The following MYOM2 variants were observed in gnomAD, a reference collection of about 807,000 sequenced individuals.
MYOM2 encodes the protein myomesin-2.
MYOM2 carries 254 observed loss-of-function variants against 187.6 expected under a neutral mutation model. The observed-to-expected ratio is 1.35, with a 90% CI of 1.22 to 1.50. MYOM2 has a LOEUF of 1.50. Among genes scored for constraint, MYOM2 ranks in the 40% most tolerant of loss-of-function variants. MYOM2 has a pLI of 0.00. For missense variants in MYOM2, 2,796 were observed against 1,924.0 expected (o/e 1.45, Z -8.48); for synonymous variants, 981 against 753.8 (o/e 1.30, Z -4.94).
chr8:2,053,199 C>A (rs1229165560), intron 3 of MYOM2, among the ~76,000 whole-genome samples: 1 of 152,136 alleles, frequency 6.6e-6, no homozygotes. Flanking sequence ...ATGAAGTCAT[C>A]TGTTGAATAT....
chr8:2,049,601 T>C (rs1818418671), intron 1 of MYOM2, among the ~76,000 whole-genome samples: 3 of 152,184 alleles, frequency 2.0e-5, no homozygotes, highest in Admixed American at 6.5e-5. Flanking sequence ...GGCTGTGCCA[T>C]GGGGCCTGGC....
At position 2,144,835 on chromosome 8, in the gene MYOM2, A is replaced by G. The variant is rs1798404912; in HGVS notation, c.4252A>G (p.Ile1418Val). 10 of 1,614,190 alleles carry G rather than the reference A, an allele frequency of 6.2e-6. No individual in the cohort carries two copies. The highest frequency in any genetic ancestry group is 7.6e-6 in the Non-Finnish European group (9 of 1,180,036). ...VTSEDSGKYSINIKNKYGGEK... is the reference protein window; with the variant it reads ...VTSEDSGKYSVNIKNKYGGEK... ...CTCCGAGGACTCGGGCAAGTACAGC[A>G]TCAACATCAAGAATAAGTATGGCGG... The change falls in exon 37 of 37, where the codon ATC (isoleucine) becomes GTC (valine). Residue 1418 changes from isoleucine to valine, a missense_variant. By Grantham distance (29) the Ile-to-Val change is conservative. Transcript: ENST00000262113.
chr8:2,104,106 G>A (rs905788446), intron 21 of MYOM2, among the ~76,000 whole-genome samples: 2 of 151,616 alleles, frequency 1.3e-5, no homozygotes, highest in South Asian at 2.1e-4. Flanking sequence ...AGGAAGGAGG[G>A]CATTTTTTAA....
chr8:2,100,753 C>G, intron 19 of MYOM2, 123 bp from the exon 20 acceptor site: 1 of 870,014 alleles, frequency 1.1e-6, no homozygotes, highest in Non-Finnish European at 1.8e-6. Context: ...AGATGGGGAA[C>G]AGATACGGAT....
rs1421445302 is a variant in MYOM2, at chr8:2,118,157, G to A, written c.3453+205G>A. ...TCAGTGCTTATCTTTTCTTCTTCAC[G>A]AAAAGATTACAGTGTAGTGGGATGC... On this transcript the variant is annotated intron_variant, in intron 28 of 36. Coordinates refer to ENST00000262113, the MANE Select transcript of MYOM2 (RefSeq NM_003970.4). 1.5e-4 allele frequency among the ~76,000 whole-genome samples: 23 copies of A among 152,024 alleles called. 1 individual carries two copies. The highest frequency in any genetic ancestry group is 1.4e-3 in the Admixed American group (21 of 15,260).
chr8:2,048,310 T>A (rs1167310948), intron 1 of MYOM2, among the ~76,000 whole-genome samples: 5 of 152,200 alleles, frequency 3.3e-5, no homozygotes, highest in Non-Finnish European at 7.3e-5. Flanking sequence ...TTGGTCCAAC[T>A]TCATTTCAGT....
chr8:2,092,455 G>A lies in MYOM2; in HGVS notation c.1938G>A (p.Val646=), dbSNP rs1364295817. The A allele has an allele frequency of 6.2e-7, 1 of 1,614,102 alleles. No homozygotes were observed. The highest frequency in any genetic ancestry group is 8.5e-7 in the Non-Finnish European group (1 of 1,180,002). The change falls in exon 16 of 37, where the codon GTG becomes GTA. Residue 646 remains valine (V), a synonymous_variant. Transcript: ENST00000262113. ...AGGAGGACCTGCTGGGCTACTACGT[G>A]GACTGCTGTGTGGCCGGAACCAACC... The part of the protein sequence containing the change: ...KHEEDLLGYY[V]DCCVAGTNLW...
intron 32 of MYOM2, among the ~76,000 whole-genome samples, chr8:2,138,481 C>T (rs1242911301): frequency 6.6e-6 from 1 of 152,224 alleles, no homozygotes; most frequent in Non-Finnish European, 1.5e-5. Context: ...GTCCGATTCT[C>T]CCGCCTCTTT....
At chr8:2,092,300 A>G (rs1360411530) in intron 15 of MYOM2, 46 bp from the exon 16 acceptor site, 2 of 1,595,560 alleles carry the variant, frequency 1.3e-6, no homozygotes, top group African/African-American at 1.3e-5. Flanking sequence ...TGTAGCTTCC[A>G]AAGCTCTGAT....
At chr8:2,143,795 G>A (rs1016769319) in intron 36 of MYOM2, among the ~76,000 whole-genome samples, 1 of 152,158 alleles carries the variant, frequency 6.6e-6, no homozygotes, top group Admixed American at 6.5e-5. Flanking sequence ...GCAGGATGAG[G>A]CAGCCACACT....
chr8:2,070,056 T>A (rs1304155106), intron 8 of MYOM2, among the ~76,000 whole-genome samples: 2 of 152,168 alleles, frequency 1.3e-5, no homozygotes, highest in East Asian at 1.9e-4. Flanking sequence ...GGCGAAGCCC[T>A]CTCTGGCCCT....
chr8:2,111,078 G>A (rs1314783738), intron 25 of MYOM2, among the ~76,000 whole-genome samples: 2 of 152,186 alleles, frequency 1.3e-5, no homozygotes. Context: ...GAAATGAAAG[G>A]GAATTTAGGG....
chr8:2,143,883 A>C (rs1287197216), intron 36 of MYOM2, among the ~76,000 whole-genome samples: 1 of 152,176 alleles, frequency 6.6e-6, no homozygotes, highest in East Asian at 1.9e-4. Context: ...TACAACACGA[A>C]GGAAAAAAAA....
chr8:2,080,396 T>C (rs1351004267), intron 13 of MYOM2, among the ~76,000 whole-genome samples: 2 of 152,204 alleles, frequency 1.3e-5, no homozygotes, highest in African/African-American at 4.8e-5. Context: ...TATCCACACA[T>C]TGCATGTTCT....
At chr8:2,056,054 T>C (rs1244767934) in intron 3 of MYOM2, among the ~76,000 whole-genome samples, 3 of 152,204 alleles carry the variant, frequency 2.0e-5, no homozygotes. Context: ...TGAGTATTTA[T>C]GAGACATCTT....
At chr8:2,056,145 C>T (rs995300251) in intron 3 of MYOM2, among the ~76,000 whole-genome samples, 2 of 152,112 alleles carry the variant, frequency 1.3e-5, no homozygotes, top group Admixed American at 6.5e-5. Context: ...ATGCAAATTA[C>T]GATCATAAAG....
chr8:2,119,726 G>T (rs1329899326), intron 28 of MYOM2, among the ~76,000 whole-genome samples: 3 of 152,130 alleles, frequency 2.0e-5, no homozygotes, highest in Non-Finnish European at 4.4e-5. Context: ...TAGGCAGAGG[G>T]GTCAGTGGAA....
Position 2,098,927 on chromosome 8 carries a change from A to T in MYOM2, c.2384A>T (p.Glu795Val). ...GCCGTCAACCTGGCCGGCATCGGGG[A>T]GCCCTCAGATCCCAGTGAGCACTTC... ...IAAVNLAGIGEPSDPSEHFKC... is the reference protein window; with the variant it reads ...IAAVNLAGIGVPSDPSEHFKC... Residue 795 changes from glutamate (E) to valine (V), a missense_variant, in exon 19 of 37, where the codon GAG becomes GTG. Glu to Val is a moderately radical substitution (Grantham distance 121, BLOSUM62 -2). Transcript: ENST00000262113. 6.2e-7 allele frequency: 1 copy of T among 1,613,492 alleles called. No individual in the cohort carries two copies. The highest frequency in any genetic ancestry group is 8.5e-7 in the Non-Finnish European group (1 of 1,179,814).
intron 3 of MYOM2, 115 bp from the exon 4 acceptor site, chr8:2,057,233 T>A: frequency 4.0e-6 from 5 of 1,235,354 alleles, no homozygotes; most frequent in Non-Finnish European, 4.4e-6. Flanking sequence ...GTTCTCTTCT[T>A]GAACGCACTT....
Sources: allele counts gnomAD v4.1 joint callset (sites outside exome capture counted in the v4.1 genomes callset), GRCh38; gene constraint gnomAD v4.1.1; transcripts MANE v1.5; gene names NCBI Gene and HGNC (gene_info 2026-07-23, HGNC 2026-07-21).